Variants in PLCL1 observed in about 807,000 individuals in gnomAD.
PLCL1 encodes the protein phospholipase C like 1 (inactive).
In PLCL1, 41 loss-of-function variants were observed where a neutral mutation model predicts 84.4. The observed-to-expected ratio is 0.49, with a 90% CI of 0.38 to 0.63. The LOEUF is 0.63. Among genes scored for constraint, PLCL1 ranks in the 30% least tolerant of loss-of-function variants. PLCL1 has a pLI of 0.00. For synonymous variants in PLCL1, 490 were observed against 488.3 expected (o/e 1.00, Z -0.05); for missense variants, 1,206 against 1,367.8 (o/e 0.88, Z 1.87).
chr2:198,090,755 A>G (rs1693007007), intron 3 of PLCL1, among the ~76,000 whole-genome samples: 1 of 152,208 alleles, frequency 6.6e-6, no homozygotes, highest in Non-Finnish European at 1.5e-5. Flanking sequence ...TGCCATAGAG[A>G]CAGACAGTAG....
intron 5 of PLCL1, among the ~76,000 whole-genome samples, chr2:198,137,701 T>A (rs926008831): frequency 6.6e-5 from 10 of 152,216 alleles, no homozygotes; most frequent in Non-Finnish European, 5.9e-5. Context: ...TTCTTGTTAC[T>A]TTTTATGGGG....
intron 1 of PLCL1, among the ~76,000 whole-genome samples, chr2:197,961,497 C>T (rs1015474844): frequency 6.6e-6 from 1 of 151,576 alleles, no homozygotes; most frequent in African/African-American, 2.4e-5. Flanking sequence ...TATCCCTTTT[C>T]CTTGAAATCA....
At chr2:198,020,454 A>T (rs1159926541) in intron 1 of PLCL1, among the ~76,000 whole-genome samples, 3 of 152,178 alleles carry the variant, frequency 2.0e-5, no homozygotes, top group African/African-American at 7.2e-5. Context: ...AATTGGATAA[A>T]GACTCAAGAC....
intron 1 of PLCL1, among the ~76,000 whole-genome samples, chr2:197,921,999 C>CTTTTT (rs34033380): frequency 2.5e-5 from 3 of 121,678 alleles, no homozygotes; most frequent in Admixed American, 8.3e-5. Flanking sequence ...TTGATAAATT[C>CTTTTT]TTTTTTTTTT....
At chr2:197,908,971 T>C (rs2105744344) in intron 1 of PLCL1, among the ~76,000 whole-genome samples, 1 of 152,346 alleles carries the variant, frequency 6.6e-6, no homozygotes, top group South Asian at 2.1e-4. Flanking sequence ...TTTAAAAGTC[T>C]GTAAAGTTAT....
chr2:197,997,133 G>A (rs923705044), intron 1 of PLCL1, among the ~76,000 whole-genome samples: 2 of 152,216 alleles, frequency 1.3e-5, no homozygotes, highest in South Asian at 2.1e-4. Flanking sequence ...GAGCCAACAG[G>A]TATAGCTGGC....
chr2:197,925,292 G>A (rs941852433), intron 1 of PLCL1, among the ~76,000 whole-genome samples: 1 of 152,110 alleles, frequency 6.6e-6, no homozygotes, highest in South Asian at 2.1e-4. Context: ...TATTGGAGAA[G>A]TTTTAAAAAC....
At chr2:197,968,149 T>G (rs1360805185) in intron 1 of PLCL1, among the ~76,000 whole-genome samples, 1 of 152,248 alleles carries the variant, frequency 6.6e-6, no homozygotes, top group Non-Finnish European at 1.5e-5. Flanking sequence ...GCTTTAGAAT[T>G]TCAAGGTTCT....
chr2:197,975,569 C>G (rs189904271), intron 1 of PLCL1, among the ~76,000 whole-genome samples: 1 of 152,214 alleles, frequency 6.6e-6, no homozygotes, highest in East Asian at 1.9e-4. Context: ...TTTGGGAGGC[C>G]TAGGTGGGAA....
intron 5 of PLCL1, among the ~76,000 whole-genome samples, chr2:198,110,826 C>G (rs1311298995): frequency 6.6e-6 from 1 of 151,744 alleles, no homozygotes; most frequent in East Asian, 1.9e-4. Flanking sequence ...CTATTGAGAA[C>G]TTTTCCAGTG....
chr2:197,890,963 T>C (rs1688016099), intron 1 of PLCL1, among the ~76,000 whole-genome samples: 1 of 151,412 alleles, frequency 6.6e-6, no homozygotes, highest in African/African-American at 2.4e-5. Context: ...TTTTAATGAA[T>C]GCATATTCCA....
chr2:197,883,427 C>T (rs1283903193), intron 1 of PLCL1, among the ~76,000 whole-genome samples: 1 of 152,110 alleles, frequency 6.6e-6, no homozygotes, highest in Non-Finnish European at 1.5e-5. Context: ...GGATAATAAT[C>T]ATCAATAAAC....
intron 1 of PLCL1, among the ~76,000 whole-genome samples, chr2:197,876,127 G>C (rs1383166365): frequency 2.0e-5 from 3 of 152,202 alleles, no homozygotes; most frequent in African/African-American, 7.2e-5. Context: ...GTATGGTTAA[G>C]CACATTGAGG....
rs781412614 is a variant in PLCL1 at position 197,810,293 on chromosome 2, C to T, written c.240+4954C>T. On this transcript the variant is annotated intron_variant, in intron 1 of 5. Coordinates refer to ENST00000428675, the MANE Select transcript of PLCL1 (RefSeq NM_006226.4). ...CTTTCTGATGTGATTTCTTATAGCA[C>T]CTCTCAAGAAAATGAAGAATAAACT... 6.3e-6 allele frequency: 8 copies of T among 1,273,780 alleles called. No individual in the cohort carries two copies. In the South Asian group the frequency reaches 1.0e-4, roughly 16 times the overall value. The allele number at this position is 1,273,780 out of a possible 1,614,324, so 78.9% of individuals were successfully genotyped here. A position where few individuals can be genotyped will look rare whatever the true frequency, so the allele number is the denominator to read the frequency against.
At chr2:198,112,968 T>A (rs1383709064) in intron 5 of PLCL1, among the ~76,000 whole-genome samples, 2 of 151,898 alleles carry the variant, frequency 1.3e-5, no homozygotes, top group Non-Finnish European at 2.9e-5. Context: ...ACAGCTTGAA[T>A]CTCATATGTC....
At chr2:198,016,408 A>G (rs1690998432) in intron 1 of PLCL1, among the ~76,000 whole-genome samples, 1 of 152,198 alleles carries the variant, frequency 6.6e-6, no homozygotes, top group African/African-American at 2.4e-5. Context: ...TTCAAGTCCC[A>G]TGTGGCTGTC....
intron 1 of PLCL1, among the ~76,000 whole-genome samples, chr2:197,926,292 C>T (rs1034212893): frequency 2.0e-5 from 3 of 152,174 alleles, no homozygotes; most frequent in South Asian, 4.1e-4. Flanking sequence ...AGACAGAAAA[C>T]ATCAGAATGT....
At chr2:197,998,187 G>GTGTGTGTGTGTT (rs1156721109) in intron 1 of PLCL1, among the ~76,000 whole-genome samples, 1 of 143,060 alleles carries the variant, frequency 7.0e-6, no homozygotes, top group Non-Finnish European at 1.5e-5. Flanking sequence ...GTGTGTGTGT[G>GTGTGTGTGTGTT]TGTGTGTGTG....
intron 1 of PLCL1, among the ~76,000 whole-genome samples, chr2:197,814,905 C>T (rs1469117206): frequency 1.3e-5 from 2 of 151,984 alleles, no homozygotes; most frequent in Non-Finnish European, 2.9e-5. Context: ...CTGATAGGGG[C>T]GAGGAAGCTG....
Sources: gnomAD v4.1 joint callset for allele counts (sites outside exome capture counted in the v4.1 genomes callset) on GRCh38, gnomAD v4.1.1 for gene constraint, MANE v1.5 for transcripts, NCBI Gene and HGNC (gene_info 2026-07-23, HGNC 2026-07-21) for gene names.